Variants in ELMO1 observed in about 807,000 individuals in gnomAD.
ELMO1 encodes the protein engulfment and cell motility 1.
In ELMO1, 26 loss-of-function variants were observed where a neutral mutation model predicts 98.9. That is an observed-to-expected ratio of 0.26 (90% CI 0.19 to 0.36). The LOEUF (loss-of-function observed/expected upper bound fraction) is 0.36, where lower values mean the gene tolerates loss of function less well. Among genes scored for constraint, ELMO1 ranks in the 10% least tolerant of loss-of-function variants. The probability of loss-of-function intolerance (pLI) is 1.00; values close to 1 mark genes in which losing one functional copy is unlikely to be tolerated. For missense variants in ELMO1, 627 were observed against 935.2 expected (o/e 0.67, Z 4.30); for synonymous variants, 346 against 346.0 (o/e 1.00, Z 0.00).
chr7:37,242,561 T>C (rs570932623), intron 7 of ELMO1, among the ~76,000 whole-genome samples: 6 of 152,340 alleles, frequency 3.9e-5, no homozygotes, highest in Non-Finnish European at 7.3e-5. Flanking sequence ...AATATTCAGA[T>C]ATCAGTTTTG....
chr7:37,277,444 GA>G (rs1385170406), intron 4 of ELMO1, among the ~76,000 whole-genome samples: 9 of 152,232 alleles, frequency 5.9e-5, no homozygotes, highest in Non-Finnish European at 1.0e-4. Context: ...ATGGAACAGA[GA>G]AAAGTCCTAT....
intron 15 of ELMO1, among the ~76,000 whole-genome samples, chr7:37,045,252 A>AT (rs1441118684): frequency 6.6e-6 from 1 of 152,238 alleles, no homozygotes; most frequent in Non-Finnish European, 1.5e-5. Flanking sequence ...TACTATTACT[A>AT]TTACTAATGG....
intron 13 of ELMO1, among the ~76,000 whole-genome samples, chr7:37,158,470 A>G (rs1295087713): frequency 6.6e-6 from 1 of 152,234 alleles, no homozygotes; most frequent in Non-Finnish European, 1.5e-5. Flanking sequence ...AGAAAAAAAC[A>G]ACCCCATCAA....
intron 1 of ELMO1, among the ~76,000 whole-genome samples, chr7:37,404,591 A>G (rs914060764): frequency 1.3e-4 from 20 of 152,206 alleles, no homozygotes; most frequent in Non-Finnish European, 2.8e-4. Flanking sequence ...AGGTTCTCCT[A>G]TAACCAAGAC....
chr7:37,030,813 A>C (rs148012716), intron 15 of ELMO1, among the ~76,000 whole-genome samples: 57 of 152,280 alleles, frequency 3.7e-4, no homozygotes, highest in African/African-American at 1.3e-3. Context: ...TAGGAGGACT[A>C]ATCTGGTCCT....
At chr7:37,335,086 A>G (rs937269157) in intron 2 of ELMO1, among the ~76,000 whole-genome samples, 4 of 152,228 alleles carry the variant, frequency 2.6e-5, no homozygotes, top group Admixed American at 6.5e-5. Flanking sequence ...CTATTTCAAG[A>G]GAAGTGAGCA....
chr7:37,019,267 TGCC>T (rs1794133766), intron 15 of ELMO1, among the ~76,000 whole-genome samples: 1 of 152,260 alleles, frequency 6.6e-6, no homozygotes, highest in African/African-American at 2.4e-5. Context: ...GGGGTTGGCC[TGCC>T]ATCATTCTAA....
chr7:37,231,854 T>C (rs1267949996), intron 8 of ELMO1, among the ~76,000 whole-genome samples: 3 of 151,630 alleles, frequency 2.0e-5, no homozygotes, highest in African/African-American at 7.3e-5. Flanking sequence ...TCTGTACTAA[T>C]TTTTTTTTAC....
chr7:37,092,471 C>T (rs984477408), intron 15 of ELMO1, among the ~76,000 whole-genome samples: 1 of 150,482 alleles, frequency 6.6e-6, no homozygotes, highest in African/African-American at 2.5e-5. Context: ...CTCCGCCTCC[C>T]AGGTTCACAC....
intron 16 of ELMO1, among the ~76,000 whole-genome samples, chr7:36,945,153 C>T (rs536875828): frequency 6.6e-6 from 1 of 152,254 alleles, no homozygotes; most frequent in Non-Finnish European, 1.5e-5. Flanking sequence ...TGTTTTCTTC[C>T]TAATTTTCAA....
chr7:37,343,339 TG>T (rs1454643030), intron 1 of ELMO1, among the ~76,000 whole-genome samples: 8 of 150,590 alleles, frequency 5.3e-5, no homozygotes, highest in Non-Finnish European at 1.2e-4. Flanking sequence ...GCACCTTCGG[TG>T]GGGGGTGGGG....
intron 16 of ELMO1, among the ~76,000 whole-genome samples, chr7:36,899,245 C>T (rs995030099): frequency 6.6e-6 from 1 of 152,132 alleles, no homozygotes; most frequent in Non-Finnish European, 1.5e-5. Context: ...GGATATGTCA[C>T]TAGAGGACTT....
intron 1 of ELMO1, among the ~76,000 whole-genome samples, chr7:37,381,426 C>T (rs573086530): frequency 1.3e-5 from 2 of 152,294 alleles, no homozygotes; most frequent in Admixed American, 1.3e-4. Context: ...AGCAGAACTT[C>T]ATGAAGTGGA....
chr7:37,033,823 G>A (rs371120211), intron 15 of ELMO1, among the ~76,000 whole-genome samples: 3 of 152,216 alleles, frequency 2.0e-5, no homozygotes, highest in South Asian at 2.1e-4. Flanking sequence ...TTCATTGCCC[G>A]AGGCAGAAGG....
chr7:37,167,691 T>C (rs1436759915), intron 13 of ELMO1, among the ~76,000 whole-genome samples: 2 of 152,216 alleles, frequency 1.3e-5, no homozygotes, highest in Non-Finnish European at 2.9e-5. Context: ...GCTTGTAGAG[T>C]TTCTGCCGAG....
At chr7:37,253,975 G>A (rs1226315429) in intron 6 of ELMO1, among the ~76,000 whole-genome samples, 1 of 152,164 alleles carries the variant, frequency 6.6e-6, no homozygotes, top group East Asian at 1.9e-4. Context: ...AAGGTTTCCT[G>A]TTAATTAATT....
chr7:36,934,428 G>T (rs1048204981), intron 16 of ELMO1, among the ~76,000 whole-genome samples: 2 of 152,142 alleles, frequency 1.3e-5, no homozygotes, highest in Non-Finnish European at 1.5e-5. Context: ...CCCCTCTCCC[G>T]GCACATAGCT....
At chr7:36,966,006 C>T (rs1001205118) in intron 16 of ELMO1, among the ~76,000 whole-genome samples, 2 of 152,138 alleles carry the variant, frequency 1.3e-5, no homozygotes, top group East Asian at 3.8e-4. Context: ...AATGAATATA[C>T]TTCATTTATT....
chr7:37,207,808 G>A (rs995815173), intron 13 of ELMO1, among the ~76,000 whole-genome samples: 1 of 152,124 alleles, frequency 6.6e-6, no homozygotes, highest in Non-Finnish European at 1.5e-5. Flanking sequence ...TGGGTGTGGT[G>A]GTGGGCACCC....
Sources: gnomAD v4.1 joint callset for allele counts (sites outside exome capture counted in the v4.1 genomes callset) on GRCh38, gnomAD v4.1.1 for gene constraint, MANE v1.5 for transcripts, NCBI Gene and HGNC (gene_info 2026-07-23, HGNC 2026-07-21) for gene names.